RCAN3: variants seen among roughly 807,000 people sequenced by gnomAD.
RCAN3 encodes calcipressin-3.
Under a neutral mutation model 21.9 loss-of-function variants are expected in RCAN3, and 19 were observed. The ratio of observed to expected loss-of-function variants is 0.87; its 90% CI spans 0.61 to 1.27. The LOEUF (loss-of-function observed/expected upper bound fraction) is 1.27, where lower values mean the gene tolerates loss of function less well. Among genes scored for constraint, RCAN3 ranks in the 50% most tolerant of loss-of-function variants. The pLI is 0.00. For missense variants in RCAN3, 240 were observed against 300.1 expected (o/e 0.80, Z 1.48); for synonymous variants, 114 against 112.3 (o/e 1.01, Z -0.09).
chr1:24,509,999 G>A (rs1459981770), intron 1 of RCAN3, among the ~76,000 whole-genome samples: 1 of 152,204 alleles, frequency 6.6e-6, no homozygotes, highest in Non-Finnish European at 1.5e-5. Flanking sequence ...GGGTGACCAA[G>A]CGAATTGTCA....
chr1:24,526,441 C>T (rs571950057), intron 2 of RCAN3, among the ~76,000 whole-genome samples: 2 of 152,034 alleles, frequency 1.3e-5, no homozygotes, highest in South Asian at 4.2e-4. Context: ...TAACCCATTG[C>T]TGTCATCTGC....
intron 1 of RCAN3, among the ~76,000 whole-genome samples, chr1:24,505,451 G>A (rs1647370463): frequency 6.6e-6 from 1 of 151,764 alleles, no homozygotes; most frequent in Non-Finnish European, 1.5e-5. Flanking sequence ...TCGAACTCTG[G>A]AGCTCTGGCA....
chr1:24,530,654 T>C (rs964407274), intron 2 of RCAN3, among the ~76,000 whole-genome samples: 2 of 152,212 alleles, frequency 1.3e-5, no homozygotes, highest in Non-Finnish European at 2.9e-5. Flanking sequence ...CATTCTCTTA[T>C]ATCTTGCATT....
intron 1 of RCAN3, among the ~76,000 whole-genome samples, chr1:24,509,117 C>T (rs1181787632): frequency 1.5e-4 from 23 of 152,138 alleles, no homozygotes; most frequent in Non-Finnish European, 1.5e-5. Context: ...AACATGATCA[C>T]GCCACTGCAC....
chr1:24,531,160 G>A, intron 2 of RCAN3, 58 bp from the exon 3 acceptor site: 5 of 1,212,066 alleles, frequency 4.1e-6, no homozygotes, highest in Non-Finnish European at 5.6e-6. Flanking sequence ...TTCTGTTAAA[G>A]GTTTTTCTTT....
At chr1:24,523,648 A>ATAT (rs113786883) in intron 2 of RCAN3, among the ~76,000 whole-genome samples, 1,666 of 139,780 alleles carry the variant, frequency 0.012, 44 homozygotes, top group African/African-American at 0.04. Flanking sequence ...ACACATATAT[A>ATAT]TTTTTTTTCT....
intron 1 of RCAN3, among the ~76,000 whole-genome samples, chr1:24,508,129 GAA>G (rs1197815717): frequency 6.6e-6 from 1 of 152,130 alleles, no homozygotes; most frequent in Non-Finnish European, 1.5e-5. Context: ...AAAAAAGAAA[GAA>G]AAAGTGAAAA....
At chr1:24,519,130 C>G (rs1257410252) in intron 2 of RCAN3, among the ~76,000 whole-genome samples, 1 of 151,882 alleles carries the variant, frequency 6.6e-6, no homozygotes, top group East Asian at 1.9e-4. Context: ...AAGCTGGTCT[C>G]AAACTCTCGA....
intron 2 of RCAN3, among the ~76,000 whole-genome samples, chr1:24,518,997 A>G (rs1648568043): frequency 6.6e-6 from 1 of 152,032 alleles, no homozygotes. Context: ...GCTGGTATCA[A>G]ACTCCTGACC....
chr1:24,503,557 C>G (rs986833658), intron 1 of RCAN3, among the ~76,000 whole-genome samples: 6 of 152,238 alleles, frequency 3.9e-5, no homozygotes, highest in African/African-American at 1.4e-4. Flanking sequence ...CCGCTTCCCC[C>G]ACGGTGCGTG....
chr1:24,518,418 T>G (rs935818848), intron 2 of RCAN3, among the ~76,000 whole-genome samples: 2 of 152,216 alleles, frequency 1.3e-5, no homozygotes, highest in Non-Finnish European at 2.9e-5. Context: ...GGACTTATCT[T>G]TCAATGTATA....
rs1650436762 is a variant in RCAN3, at chr1:24,540,469, T to C, written c.*5192T>C. On this transcript the variant is annotated 3_prime_UTR_variant, in exon 5 of 5. Transcript: ENST00000374395. Reference sequence around the variant, plus strand: ...GATTTCTATCTATGCAGATAATACATGTTTTTAAATACTGTTTTCTGTTTA... The same window carrying C: ...GATTTCTATCTATGCAGATAATACACGTTTTTAAATACTGTTTTCTGTTTA... 1 of 152,196 alleles carries C rather than the reference T, an allele frequency of 6.6e-6. No individual in the cohort carries two copies. Among genetic ancestry groups the C allele is most frequent in the African/African-American group, 2.4e-5 (1 of 41,450 alleles). The allele number at this position is 152,196 out of a possible 1,614,324, so 9.4% of individuals were successfully genotyped here.
At chr1:24,515,699 T>C (rs1648261445) in intron 2 of RCAN3, among the ~76,000 whole-genome samples, 1 of 152,166 alleles carries the variant, frequency 6.6e-6, no homozygotes, top group African/African-American at 2.4e-5. Flanking sequence ...GTGCCTACGG[T>C]GTGCCAGGCG....
chr1:24,517,858 G>A (rs1014465505), intron 2 of RCAN3, among the ~76,000 whole-genome samples: 5 of 152,024 alleles, frequency 3.3e-5, no homozygotes, highest in African/African-American at 1.2e-4. Flanking sequence ...GATATGGGCA[G>A]AATCAAATGT....
chr1:24,541,006 G>T lies in RCAN3; in HGVS notation c.*5729G>T, dbSNP rs1325176651. On this transcript the variant is annotated 3_prime_UTR_variant, in exon 5 of 5. Coordinates refer to ENST00000374395, the MANE Select transcript of RCAN3 (RefSeq NM_013441.4). ...CTGTAACAAGTTCTGTTTTTAAAAC[G>T]AATACAAATAAAGTTAGTAACTATT... 1 of 152,244 alleles carries T rather than the reference G, an allele frequency of 6.6e-6. No homozygotes were observed. Among genetic ancestry groups the T allele is most frequent in the East Asian group, 1.9e-4 (1 of 5,192 alleles). The allele number at this position is 152,244 out of a possible 1,614,324, so 9.4% of individuals were successfully genotyped here.
At chr1:24,523,097 T>A (rs1200228439) in intron 2 of RCAN3, among the ~76,000 whole-genome samples, 1 of 151,612 alleles carries the variant, frequency 6.6e-6, no homozygotes, top group Non-Finnish European at 1.5e-5. Context: ...AGAGTCTCAC[T>A]CTGTTGCCCA....
intron 2 of RCAN3, among the ~76,000 whole-genome samples, chr1:24,529,280 T>C (rs1413224739): frequency 6.6e-6 from 1 of 151,270 alleles, no homozygotes; most frequent in Non-Finnish European, 1.5e-5. Flanking sequence ...TGGCCAGGCA[T>C]GGTGGCTCAT....
At chr1:24,507,106 G>A (rs1647500733) in intron 1 of RCAN3, among the ~76,000 whole-genome samples, 1 of 152,122 alleles carries the variant, frequency 6.6e-6, no homozygotes, top group Admixed American at 6.5e-5. Context: ...TGCTGATATT[G>A]ACATGGTTTT....
Position 24,533,574 on chromosome 1 carries a change from C to T in RCAN3, c.541+320C>T, listed in dbSNP as rs372532474. ...TAGCACTTTGGGAGGCTAGGGTGGG[C>T]GGATTGCTTGAGGTCAGGAGTTCGA... On this transcript the variant is annotated intron_variant, in intron 4 of 4. Coordinates refer to ENST00000374395, the MANE Select transcript of RCAN3 (RefSeq NM_013441.4). Among the ~76,000 whole-genome samples the T allele has an allele frequency of 4.6e-5, 7 of 152,200 alleles. No individual in the cohort carries two copies. The South Asian group carries it at 8.3e-4, about 18-fold the overall frequency.
Sources: allele counts gnomAD v4.1 joint callset (sites outside exome capture counted in the v4.1 genomes callset), GRCh38; gene constraint gnomAD v4.1.1; transcripts MANE v1.5; gene names NCBI Gene and HGNC (gene_info 2026-07-23, HGNC 2026-07-21).